MAGI2: variants seen among roughly 807,000 people sequenced by gnomAD.
The protein encoded by MAGI2 is membrane-associated guanylate kinase, WW and PDZ domain-containing protein 2.
A neutral mutation model predicts 133.3 loss-of-function variants in MAGI2; 35 were observed. The ratio of observed to expected loss-of-function variants is 0.26; its 90% CI spans 0.20 to 0.35. MAGI2 has a LOEUF of 0.35. MAGI2 is among the 10% of genes least tolerant of loss of function. The probability of loss-of-function intolerance (pLI) is 1.00; values close to 1 mark genes in which losing one functional copy is unlikely to be tolerated. For synonymous variants in MAGI2, 729 were observed against 710.6 expected, an observed-to-expected ratio of 1.03 and a Z score of -0.41; for missense variants, 1,636 against 1,863.4, an observed-to-expected ratio of 0.88 and a Z score of 2.25.
At chr7:78,646,145 G>A (rs1188194396) in intron 2 of MAGI2, among the ~76,000 whole-genome samples, 1 of 152,154 alleles carries the variant, frequency 6.6e-6, no homozygotes, top group Non-Finnish European at 1.5e-5. Flanking sequence ...GGAACTTGAA[G>A]AAGGGTATAA....
intron 3 of MAGI2, among the ~76,000 whole-genome samples, chr7:78,599,173 A>G (rs1012413849): frequency 6.6e-6 from 1 of 152,182 alleles, no homozygotes; most frequent in Non-Finnish European, 1.5e-5. Context: ...TTAACGAATC[A>G]TATGGCTTCC....
In MAGI2 at chr7:78,465,495, G is replaced by C. The variant is rs151056304; in HGVS notation, c.1045+24266C>G. 8.4e-4 allele frequency among the ~76,000 whole-genome samples: 128 copies of C among 152,274 alleles called. 1 individual carries two copies. The highest frequency in any genetic ancestry group is 2.8e-3 in the African/African-American group (118 of 41,566). ...ATTCTCTGGAGAAGTTGCTGTTTCA[G>C]AAATTTTAGGTGTCCCATATGGCAT... On this transcript the variant is annotated intron_variant, in intron 6 of 21. Coordinates refer to ENST00000354212, the MANE Select transcript of MAGI2 (RefSeq NM_012301.4).
intron 1 of MAGI2, among the ~76,000 whole-genome samples, chr7:79,205,669 A>T (rs1828985578): frequency 6.6e-6 from 1 of 151,982 alleles, no homozygotes. Context: ...ACAATAATTT[A>T]TTAAAGGATA....
At chr7:79,106,019 C>G (rs1478160014) in intron 1 of MAGI2, among the ~76,000 whole-genome samples, 1 of 152,044 alleles carries the variant, frequency 6.6e-6, no homozygotes, top group Non-Finnish European at 1.5e-5. Context: ...AAAAACTATG[C>G]TGGAATGTGC....
At chr7:78,061,190 T>TA (rs1303421964) in intron 21 of MAGI2, among the ~76,000 whole-genome samples, 2 of 151,108 alleles carry the variant, frequency 1.3e-5, no homozygotes, top group African/African-American at 4.9e-5. Context: ...TTTCTTTTTT[T>TA]TTTTAGATGG....
At chr7:78,506,349 G>A (rs1024007173) in intron 4 of MAGI2, among the ~76,000 whole-genome samples, 8 of 152,104 alleles carry the variant, frequency 5.3e-5, no homozygotes, top group Admixed American at 2.0e-4. Flanking sequence ...GAGGTTCATG[G>A]AGACGTCAAG....
intron 3 of MAGI2, among the ~76,000 whole-genome samples, chr7:78,536,756 GTTGTT>G (rs1427708665): frequency 9.1e-5 from 10 of 109,636 alleles, no homozygotes; most frequent in East Asian, 6.0e-4. Flanking sequence ...TGTTTTTGTT[GTTGTT>G]TTTTTTTTTT....
At chr7:79,407,078 T>C (rs1845854954) in intron 1 of MAGI2, among the ~76,000 whole-genome samples, 1 of 152,136 alleles carries the variant, frequency 6.6e-6, no homozygotes, top group African/African-American at 2.4e-5. Flanking sequence ...GAAAAACACA[T>C]ACATTTTACT....
chr7:78,984,233 C>T (rs1805043611), intron 2 of MAGI2, among the ~76,000 whole-genome samples: 1 of 152,016 alleles, frequency 6.6e-6, no homozygotes. Flanking sequence ...CTTACAACAG[C>T]TTCCTAATCT....
chr7:78,945,847 A>C (rs1801375872), intron 2 of MAGI2, among the ~76,000 whole-genome samples: 1 of 152,208 alleles, frequency 6.6e-6, no homozygotes, highest in Non-Finnish European at 1.5e-5. Context: ...ATCCCAGATT[A>C]AATTTGACTT....
intron 2 of MAGI2, among the ~76,000 whole-genome samples, chr7:78,767,803 T>C (rs368619279): frequency 2.6e-5 from 4 of 152,330 alleles, no homozygotes; most frequent in African/African-American, 9.6e-5. Flanking sequence ...TCTTGGGAAA[T>C]TTTGTGTTTT....
At chr7:78,963,407 G>A (rs1049487348) in intron 2 of MAGI2, among the ~76,000 whole-genome samples, 1 of 152,090 alleles carries the variant, frequency 6.6e-6, no homozygotes, top group Non-Finnish European at 1.5e-5. Flanking sequence ...CTGTCAAAAT[G>A]TGCTAAAATA....
chr7:79,429,303 CT>C (rs939016945), intron 1 of MAGI2, among the ~76,000 whole-genome samples: 27 of 147,970 alleles, frequency 1.8e-4, no homozygotes, highest in South Asian at 1.1e-3. Context: ...TTAATTTCTA[CT>C]TTTTTTTTTG....
chr7:78,603,378 C>T lies in MAGI2; in HGVS notation c.538+23742G>A, dbSNP rs541897948. Among the ~76,000 whole-genome samples, 16 of 152,262 alleles carry T rather than the reference C, an allele frequency of 1.1e-4. No individual in the cohort carries two copies. In the South Asian group the frequency reaches 1.7e-3, roughly 16 times the overall value. ...CTGTTAGATGACTATCCTGAGGAAA[C>T]GTTTTCTAGGCTGGTAGCTCTGATG... On this transcript the variant is annotated intron_variant, in intron 3 of 21. Coordinates refer to ENST00000354212, the MANE Select transcript of MAGI2 (RefSeq NM_012301.4).
chr7:79,446,136 A>T (rs1228877272), intron 1 of MAGI2, among the ~76,000 whole-genome samples: 1 of 152,156 alleles, frequency 6.6e-6, no homozygotes, highest in Non-Finnish European at 1.5e-5. Flanking sequence ...TGGACACAGG[A>T]AGGGGAACAT....
intron 2 of MAGI2, among the ~76,000 whole-genome samples, chr7:78,903,305 T>C (rs907157997): frequency 8.3e-5 from 12 of 145,302 alleles, no homozygotes; most frequent in Non-Finnish European, 1.5e-4. Context: ...GCCATTCTCC[T>C]GCCTCAGCCT....
At chr7:78,100,104 GA>G (rs1818072917) in intron 20 of MAGI2, among the ~76,000 whole-genome samples, 1 of 152,132 alleles carries the variant, frequency 6.6e-6, no homozygotes, top group East Asian at 1.9e-4. Context: ...TGTTTACAAA[GA>G]AGCCTGCTTG....
chr7:78,343,675 G>A (rs1254851454), intron 9 of MAGI2, 103 bp downstream of exon 9: 1 of 805,384 alleles, frequency 1.2e-6, no homozygotes, highest in Non-Finnish European at 1.8e-6. Flanking sequence ...CTAAAGTGAA[G>A]TGACCTTTGT....
chr7:78,858,185 A>T (rs1224273856), intron 2 of MAGI2, among the ~76,000 whole-genome samples: 1 of 151,404 alleles, frequency 6.6e-6, no homozygotes, highest in Non-Finnish European at 1.5e-5. Context: ...AATTTTGTTG[A>T]TCTTTTCAAA....
Sources: allele counts gnomAD v4.1 joint callset (sites outside exome capture counted in the v4.1 genomes callset), GRCh38; gene constraint gnomAD v4.1.1; transcripts MANE v1.5; gene names NCBI Gene and HGNC (gene_info 2026-07-23, HGNC 2026-07-21).